Variants in DNAJC6 observed in about 807,000 individuals in gnomAD.
The protein encoded by DNAJC6 is DnaJ heat shock protein family (Hsp40) member C6.
A neutral mutation model predicts 110.0 loss-of-function variants in DNAJC6; 34 were observed. The observed-to-expected ratio is 0.31, with a 90% confidence interval of 0.24 to 0.41. The LOEUF is 0.41. Among genes scored for constraint, DNAJC6 ranks in the 10% least tolerant of loss-of-function variants. The pLI is 1.00. For synonymous variants in DNAJC6, 406 were observed against 437.2 expected, an observed-to-expected ratio of 0.93 and a Z score of 0.89; for missense variants, 1,031 against 1,207.8, an observed-to-expected ratio of 0.85 and a Z score of 2.17.
intron 1 of DNAJC6, among the ~76,000 whole-genome samples, chr1:65,320,390 C>A (rs1337786174): frequency 6.6e-6 from 1 of 152,142 alleles, no homozygotes; most frequent in Non-Finnish European, 1.5e-5. Context: ...CCTTCCATGT[C>A]TAAATTAGTT....
intron 1 of DNAJC6, among the ~76,000 whole-genome samples, chr1:65,357,707 G>T (rs983123110): frequency 6.6e-6 from 1 of 152,144 alleles, no homozygotes; most frequent in Non-Finnish European, 1.5e-5. Context: ...GCTCTTGGAG[G>T]GCTGTTGGCA....
At chr1:65,302,876 A>G (rs1467576276) in intron 1 of DNAJC6, among the ~76,000 whole-genome samples, 2 of 152,012 alleles carry the variant, frequency 1.3e-5, no homozygotes, top group African/African-American at 4.8e-5. Context: ...CCTGCCTTCT[A>G]TCATGGGATG....
At position 65,364,716 on chromosome 1, in the gene DNAJC6, G is replaced by A. The variant is rs1288867331; in HGVS notation, c.275G>A (p.Ser92Asn). ...MVKGGAGRLF[S>N]NLKDNLKDTL... ...AAAGGAGGTGCAGGGAGGCTCTTTA[G>A]TAACCTAAAGGACAACTTGAAAGAC... Residue 92 changes from serine (S) to asparagine (N), a missense_variant, in exon 2 of 19, where the codon AGT (serine) becomes AAT (asparagine). Coordinates refer to ENST00000371069, the MANE Select transcript of DNAJC6 (RefSeq NM_001256864.2). 6.2e-7 allele frequency: 1 copy of A among 1,612,544 alleles called. No individual in the cohort carries two copies. Among genetic ancestry groups the A allele is most frequent in the East Asian group, 2.2e-5 (1 of 44,670 alleles).
At chr1:65,388,056 A>G (rs915795786) in intron 8 of DNAJC6, among the ~76,000 whole-genome samples, 1 of 152,208 alleles carries the variant, frequency 6.6e-6, no homozygotes, top group Non-Finnish European at 1.5e-5. Context: ...GGAACAGGGC[A>G]TCCTGGGTAG....
At chr1:65,379,310 A>G (rs1025145326) in intron 4 of DNAJC6, 92 bp from the exon 5 acceptor site, 20 of 1,500,318 alleles carry the variant, frequency 1.3e-5, no homozygotes, top group Admixed American at 1.8e-5. Context: ...AGGATGTGGT[A>G]TCACTTCCAG....
rs530850212 is a variant in DNAJC6 at position 65,365,946 on chromosome 1, A to G, written c.394+12A>G. The G allele has an allele frequency of 1.2e-6, 2 of 1,607,594 alleles. No homozygotes were observed. Among genetic ancestry groups the G allele is most frequent in the Non-Finnish European group, 1.7e-6 (2 of 1,174,224 alleles). ...CTCCAGAATTATTGGTAAGTTTCTC[A>G]TGTTTATTAACAGTCCTTTGGCTCA... is the stretch of plus-strand genomic sequence containing the variant. On this transcript the variant is annotated intron_variant, in intron 3 of 18. Coordinates refer to ENST00000371069, the MANE Select transcript of DNAJC6 (RefSeq NM_001256864.2).
chr1:65,391,978 C>T (rs754048999), intron 11 of DNAJC6, among the ~76,000 whole-genome samples: 5 of 152,150 alleles, frequency 3.3e-5, no homozygotes, highest in Non-Finnish European at 7.3e-5. Flanking sequence ...GGGTTTTCAC[C>T]ATGTTGGCCA....
chr1:65,404,371 A>G (rs1436963613), intron 15 of DNAJC6, among the ~76,000 whole-genome samples: 1 of 152,340 alleles, frequency 6.6e-6, no homozygotes, highest in East Asian at 1.9e-4. Flanking sequence ...TACCTGTGAT[A>G]TAGACATAGT....
At chr1:65,282,393 G>A (rs953457346) in intron 1 of DNAJC6, among the ~76,000 whole-genome samples, 3 of 152,156 alleles carry the variant, frequency 2.0e-5, no homozygotes, top group Non-Finnish European at 4.4e-5. Flanking sequence ...GCTCTATTTA[G>A]TTCATGTGAA....
intron 1 of DNAJC6, among the ~76,000 whole-genome samples, chr1:65,265,818 A>G (rs1388548341): frequency 1.3e-5 from 2 of 152,128 alleles, no homozygotes; most frequent in Non-Finnish European, 2.9e-5. Context: ...CGTGCCCAGG[A>G]AGGGCGCAGC....
intron 13 of DNAJC6, among the ~76,000 whole-genome samples, chr1:65,396,471 C>T (rs546569527): frequency 6.6e-6 from 1 of 152,312 alleles, no homozygotes; most frequent in South Asian, 2.1e-4. Context: ...TGCATTCCAG[C>T]TGTACTGGCC....
At chr1:65,336,098 T>C (rs1390963340) in intron 1 of DNAJC6, among the ~76,000 whole-genome samples, 4 of 152,170 alleles carry the variant, frequency 2.6e-5, no homozygotes, top group African/African-American at 9.7e-5. Context: ...GGCTGGGTAA[T>C]TTATTAAAGG....
chr1:65,402,061 T>G (rs116512627), intron 15 of DNAJC6, among the ~76,000 whole-genome samples, 181 bp downstream of exon 15: 132 of 152,320 alleles, frequency 8.7e-4, no homozygotes, highest in Middle Eastern at 6.8e-3. Context: ...GATAATCAGA[T>G]GTGGGGTTAG....
chr1:65,412,636 T>C (rs540240543), intron 18 of DNAJC6, among the ~76,000 whole-genome samples: 1 of 152,306 alleles, frequency 6.6e-6, no homozygotes, highest in African/African-American at 2.4e-5. Flanking sequence ...ACCTTTGTCA[T>C]TTGGCAGATA....
At chr1:65,315,381 G>T (rs1645139797) in intron 1 of DNAJC6, among the ~76,000 whole-genome samples, 2 of 151,816 alleles carry the variant, frequency 1.3e-5, no homozygotes, top group South Asian at 4.1e-4. Context: ...GGAATAAAAT[G>T]AGAAAAGTTA....
chr1:65,322,693 A>G (rs549475342), intron 1 of DNAJC6, among the ~76,000 whole-genome samples: 1 of 152,188 alleles, frequency 6.6e-6, no homozygotes, highest in Non-Finnish European at 1.5e-5. Context: ...GTTGCTAAGA[A>G]CCTTGCACTA....
intron 1 of DNAJC6, among the ~76,000 whole-genome samples, chr1:65,337,562 G>T (rs1240010256): frequency 6.6e-6 from 1 of 151,934 alleles, no homozygotes; most frequent in African/African-American, 2.4e-5. Context: ...TCAGTCCACT[G>T]CAGTTATTAC....
chr1:65,405,442 G>A (rs963035644), intron 15 of DNAJC6, among the ~76,000 whole-genome samples: 5 of 152,072 alleles, frequency 3.3e-5, no homozygotes, highest in Non-Finnish European at 5.9e-5. Flanking sequence ...CCCCATTCTT[G>A]TCATTTGGTG....
intron 16 of DNAJC6, among the ~76,000 whole-genome samples, chr1:65,407,065 T>C (rs1463776871): frequency 6.6e-6 from 1 of 152,198 alleles, no homozygotes; most frequent in African/African-American, 2.4e-5. Context: ...TCTGAAAATA[T>C]TAAATGGAAA....
Sources: allele counts gnomAD v4.1 joint callset (sites outside exome capture counted in the v4.1 genomes callset), GRCh38; gene constraint gnomAD v4.1.1; transcripts MANE v1.5; gene names NCBI Gene and HGNC (gene_info 2026-07-23, HGNC 2026-07-21).